Variants in RAPGEF4 observed in about 807,000 individuals in gnomAD.
RAPGEF4 encodes Rap guanine nucleotide exchange factor 4.
In RAPGEF4, 66 loss-of-function variants were observed where a neutral mutation model predicts 147.9. The observed-to-expected ratio is 0.45, with a 90% confidence interval of 0.37 to 0.55. The LOEUF is 0.55. Among genes scored for constraint, RAPGEF4 ranks in the 20% least tolerant of loss-of-function variants. The pLI, the probability that RAPGEF4 is intolerant of heterozygous loss-of-function variation, is 0.00. For synonymous variants in RAPGEF4, 419 were observed against 442.7 expected (o/e 0.95, Z 0.67); for missense variants, 1,071 against 1,257.3 (o/e 0.85, Z 2.24).
intron 25 of RAPGEF4, among the ~76,000 whole-genome samples, chr2:173,027,580 C>T (rs375637262): frequency 1.3e-5 from 2 of 152,140 alleles, no homozygotes; most frequent in African/African-American, 4.8e-5. Flanking sequence ...CCTTATACTT[C>T]GAAAGTTCAG....
chr2:173,044,190 A>G lies in RAPGEF4; in HGVS notation c.2854-4410A>G, dbSNP rs562628416. ...CGGGTTTTTCACAAACTTTCTGGAA[A>G]AGGGGCCAGGAGTTCCTGGAACCAT... On this transcript the variant is annotated intron_variant, in intron 29 of 30. Coordinates refer to ENST00000397081, the MANE Select transcript of RAPGEF4 (RefSeq NM_007023.4). 2.0e-5 allele frequency among the ~76,000 whole-genome samples: 3 copies of G among 146,726 alleles called. No homozygotes were observed. The East Asian group carries it at 6.2e-4, about 30-fold the overall frequency.
chr2:173,003,020 G>GT (rs1026286720), intron 17 of RAPGEF4, among the ~76,000 whole-genome samples: 11 of 151,868 alleles, frequency 7.2e-5, no homozygotes, highest in South Asian at 2.1e-4. Context: ...TTTAGACTTG[G>GT]TTTTTTTTAG....
chr2:172,818,360 A>T (rs1688720515), intron 4 of RAPGEF4, among the ~76,000 whole-genome samples: 1 of 152,134 alleles, frequency 6.6e-6, no homozygotes, highest in Admixed American at 6.5e-5. Context: ...AAAACACTAA[A>T]ATATATATCA....
chr2:172,901,769 C>G (rs1264998550), intron 4 of RAPGEF4, among the ~76,000 whole-genome samples: 1 of 152,210 alleles, frequency 6.6e-6, no homozygotes, highest in Non-Finnish European at 1.5e-5. Context: ...CACTCAACAA[C>G]TATTCCCTGA....
intron 4 of RAPGEF4, among the ~76,000 whole-genome samples, chr2:172,897,677 C>T (rs1376252848): frequency 1.3e-5 from 2 of 151,328 alleles, no homozygotes; most frequent in African/African-American, 4.9e-5. Context: ...GCTGGGATTA[C>T]AGGCATGAGC....
At chr2:173,002,230 C>A (rs975787549) in intron 17 of RAPGEF4, among the ~76,000 whole-genome samples, 1 of 152,122 alleles carries the variant, frequency 6.6e-6, no homozygotes, top group African/African-American at 2.4e-5. Flanking sequence ...CATTCATCCT[C>A]GTCTATCCTC....
chr2:172,905,950 G>A (rs992809471), intron 4 of RAPGEF4, among the ~76,000 whole-genome samples: 5 of 152,170 alleles, frequency 3.3e-5, no homozygotes, highest in Non-Finnish European at 7.3e-5. Flanking sequence ...CAGTGCATGT[G>A]GCTTTAAACA....
rs1403816360 is a variant in RAPGEF4, at chr2:173,002,052, A to G, written c.1658+708A>G. On this transcript the variant is annotated intron_variant, in intron 17 of 30. Transcript: ENST00000397081. ...GGAGGCAGGCTAGAAAGGGTTATGG[A>G]GAAGAACCTGGGAGTATTAGCAGGA... Among the ~76,000 whole-genome samples, 6 of 147,062 alleles carry G rather than the reference A, an allele frequency of 4.1e-5. No homozygotes were observed. In the East Asian group the frequency reaches 1.3e-3, roughly 33 times the overall value.
chr2:172,982,346 A>G (rs1327532773), intron 10 of RAPGEF4, among the ~76,000 whole-genome samples: 1 of 152,214 alleles, frequency 6.6e-6, no homozygotes, highest in African/African-American at 2.4e-5. Flanking sequence ...TGGTTATGTA[A>G]TAGATAATAT....
intron 4 of RAPGEF4, among the ~76,000 whole-genome samples, chr2:172,899,671 T>C (rs992988545): frequency 9.9e-5 from 15 of 152,138 alleles, no homozygotes; most frequent in African/African-American, 3.6e-4. Flanking sequence ...TCCGTTTTTC[T>C]GCTGGGTGGC....
intron 4 of RAPGEF4, among the ~76,000 whole-genome samples, chr2:172,882,466 G>A (rs1295016469): frequency 6.6e-6 from 1 of 152,118 alleles, no homozygotes; most frequent in Non-Finnish European, 1.5e-5. Flanking sequence ...TAAAATGCAA[G>A]AATCTAAAAG....
chr2:173,025,499 G>A (rs1482799949), intron 23 of RAPGEF4, among the ~76,000 whole-genome samples: 1 of 152,206 alleles, frequency 6.6e-6, no homozygotes, highest in African/African-American at 2.4e-5. Flanking sequence ...CTGGGGTGCA[G>A]TGGCACGATC....
At chr2:172,828,682 C>T (rs973445091) in intron 4 of RAPGEF4, among the ~76,000 whole-genome samples, 1 of 152,172 alleles carries the variant, frequency 6.6e-6, no homozygotes, top group African/African-American at 2.4e-5. Flanking sequence ...CTGCCTGGGT[C>T]TTCCTGGTCT....
At chr2:173,050,440 C>A (rs1686047335) in intron 30 of RAPGEF4, among the ~76,000 whole-genome samples, 1 of 152,170 alleles carries the variant, frequency 6.6e-6, no homozygotes, top group African/African-American at 2.4e-5. Flanking sequence ...TTCAGACCTG[C>A]AACACTCCCC....
At chr2:172,760,904 A>G (rs949139302) in intron 1 of RAPGEF4, among the ~76,000 whole-genome samples, 6 of 152,074 alleles carry the variant, frequency 3.9e-5, no homozygotes, top group Non-Finnish European at 7.4e-5. Context: ...TAGAAGGAGA[A>G]AATCCTAAAT....
At chr2:172,926,000 G>A (rs1195327429) in intron 6 of RAPGEF4, among the ~76,000 whole-genome samples, 1 of 110,012 alleles carries the variant, frequency 9.1e-6, no homozygotes, top group Non-Finnish European at 1.8e-5. Context: ...AAGGAAGGAA[G>A]GGAAAGAAAG....
chr2:172,842,697 A>G (rs1691747014), intron 4 of RAPGEF4, among the ~76,000 whole-genome samples: 1 of 152,194 alleles, frequency 6.6e-6, no homozygotes, highest in Non-Finnish European at 1.5e-5. Context: ...TCCCAAGAGA[A>G]CCAGGCAGAA....
intron 5 of RAPGEF4, among the ~76,000 whole-genome samples, chr2:172,918,659 T>C: frequency 6.6e-6 from 1 of 152,198 alleles, no homozygotes; most frequent in East Asian, 1.9e-4. Context: ...TCTTTTGATC[T>C]GTTCATGCAT....
chr2:172,823,308 G>A (rs1357795587), intron 4 of RAPGEF4, among the ~76,000 whole-genome samples: 1 of 152,196 alleles, frequency 6.6e-6, no homozygotes, highest in African/African-American at 2.4e-5. Flanking sequence ...GTGTTGTGTG[G>A]CACTCTGGGT....
Sources: allele counts gnomAD v4.1 joint callset (sites outside exome capture counted in the v4.1 genomes callset), GRCh38; gene constraint gnomAD v4.1.1; transcripts MANE v1.5; gene names NCBI Gene and HGNC (gene_info 2026-07-23, HGNC 2026-07-21).